The following NDRG2 variants were observed in gnomAD, a reference collection of about 807,000 sequenced individuals.
NDRG2 encodes NDRG family member 2.
NDRG2 carries 34 observed loss-of-function variants against 58.2 expected under a neutral mutation model. The ratio of observed to expected loss-of-function variants is 0.58; its 90% CI spans 0.44 to 0.78. The LOEUF is 0.78. Among genes scored for constraint, NDRG2 ranks in the 30% least tolerant of loss-of-function variants. The probability of loss-of-function intolerance (pLI) is 0.00; values close to 1 mark genes in which losing one functional copy is unlikely to be tolerated. For synonymous variants in NDRG2, 187 were observed against 175.9 expected (o/e 1.06, Z -0.50); for missense variants, 434 against 471.2 (o/e 0.92, Z 0.73).
rs2138796833 is a variant in NDRG2, at chr14:21,016,841, TAC to T, written c.*753_*754del. ...ACGGGAGGGCACCCTCCACACATACTACAGTGTGGTCAGAGCCCCAGGGTAGC... is the reference window on the plus strand; with the variant it reads ...ACGGGAGGGCACCCTCCACACATACTAGTGTGGTCAGAGCCCCAGGGTAGC... On this transcript the variant is annotated 3_prime_UTR_variant, in exon 16 of 16. Transcript: ENST00000556147. The T allele has an allele frequency of 2.2e-6, 1 of 456,400 alleles. No homozygotes were observed. The highest frequency in any genetic ancestry group is 4.4e-6 in the Non-Finnish European group (1 of 226,754). 28.3% of individuals were successfully genotyped at this position (456,400 alleles called of 1,614,324 possible).
chr14:21,052,019 C>T (rs1251800381), intron 1 of NDRG2, among the ~76,000 whole-genome samples: 1 of 152,190 alleles, frequency 6.6e-6, no homozygotes, highest in Non-Finnish European at 1.5e-5. Context: ...TTAGGCCTCT[C>T]CTTCATACTA....
chr14:21,046,883 T>C (rs61484774), intron 1 of NDRG2: 2 of 152,198 alleles, frequency 1.3e-5, no homozygotes, highest in African/African-American at 4.8e-5. Context: ...TTAGTGGAAG[T>C]GGCTCATCAT....
chr14:21,024,703 G>A lies in NDRG2; in HGVS notation c.-680C>T, dbSNP rs536152512. 8.1e-6 allele frequency: 8 copies of A among 985,468 alleles called. No homozygotes were observed. Among genetic ancestry groups the A allele is most frequent in the African/African-American group, 1.7e-5 (1 of 57,350 alleles). The allele number at this position is 985,468 out of a possible 1,614,324, so 61.0% of individuals were successfully genotyped here. On this transcript the variant is annotated 5_prime_UTR_variant, in exon 1 of 16. Coordinates refer to ENST00000556147, the MANE Select transcript of NDRG2 (RefSeq NM_001320329.2). ...CGCGAAGGCAAGCGCCATCGGGAAGGGATGGGTAGGACAGAGGAGACCGGC... is the reference window on the plus strand; with the variant it reads ...CGCGAAGGCAAGCGCCATCGGGAAGAGATGGGTAGGACAGAGGAGACCGGC...
rs1884224042 is a variant in NDRG2, at chr14:21,031,994, G to T, written c.25-8673C>A. 3.7e-6 allele frequency: 6 copies of T among 1,614,076 alleles called. No homozygotes were observed. The African/African-American group carries it at 8.0e-5, about 22-fold the overall frequency. On this transcript the variant is annotated intron_variant, in intron 1 of 14. Transcript: ENST00000403829. ...TGAGAGTGGCAAGGGCAAGGGCATT[G>T]CGGGACGGGAAGAGATGACTGACAA...
intron 1 of NDRG2, among the ~76,000 whole-genome samples, chr14:21,056,081 T>C (rs1885662580): frequency 6.6e-6 from 1 of 152,174 alleles, no homozygotes; most frequent in South Asian, 2.1e-4. Context: ...AATTTTTACA[T>C]TCAGAAATGC....
chr14:21,045,460 AT>A (rs1885101543), intron 1 of NDRG2, among the ~76,000 whole-genome samples: 1 of 152,172 alleles, frequency 6.6e-6, no homozygotes, highest in African/African-American at 2.4e-5. Context: ...CAAAATCTGA[AT>A]TTGTTTTGAA....
Position 21,070,099 on chromosome 14 carries a change from C to T in NDRG2, c.24+729G>A, listed in dbSNP as rs2139185072. On this transcript the variant is annotated intron_variant, in intron 1 of 14. Transcript: ENST00000403829. This position sits in a 1 kb window ranked among gnomAD's most constrained non-coding sequence, Gnocchi z 4.7. ...GAAAGAAGGTTGCCGGTGAACGGGA[C>T]GGATAGGCTGGGGACGCCCGGGGAA... is the stretch of plus-strand genomic sequence containing the variant. Among the ~76,000 whole-genome samples, 1 of 151,720 alleles carries T rather than the reference C, an allele frequency of 6.6e-6. No homozygotes were observed. Among genetic ancestry groups the T allele is most frequent in the Middle Eastern group, 3.4e-3 (1 of 292 alleles).
intron 1 of NDRG2, chr14:21,033,772 G>A (rs1459362624): frequency 1.6e-6 from 2 of 1,230,080 alleles, no homozygotes; most frequent in Admixed American, 3.4e-5. Flanking sequence ...GTTGGAAATG[G>A]AGACAGCTGG....
At chr14:21,063,901 A>C (rs959579442) in intron 1 of NDRG2, among the ~76,000 whole-genome samples, 2 of 152,212 alleles carry the variant, frequency 1.3e-5, no homozygotes, top group South Asian at 2.1e-4. Context: ...TCCCATTTTC[A>C]GGCAACTCTA....
intron 1 of NDRG2, among the ~76,000 whole-genome samples, chr14:21,040,904 G>A (rs570872667): frequency 3.9e-5 from 6 of 152,054 alleles, no homozygotes; most frequent in Admixed American, 2.6e-4. Flanking sequence ...CAAAGTATAC[G>A]TATTTTTTTT....
At position 21,039,034 on chromosome 14, in the gene NDRG2, T is replaced by A. The variant is rs554291562; in HGVS notation, c.25-15713A>T. ...CAAAATTAGGATAACAGAACTTGGA[T>A]CTGCTTTTGCTTGGAAGGGAACTCT... On this transcript the variant is annotated intron_variant, in intron 1 of 14. Transcript: ENST00000403829. Among the ~76,000 whole-genome samples the A allele has an allele frequency of 1.2e-4, 18 of 152,354 alleles. No individual in the cohort carries two copies. In the South Asian group the frequency reaches 3.7e-3, roughly 32 times the overall value.
intron 1 of NDRG2, chr14:21,032,263 C>T (rs2139082742): frequency 2.9e-6 from 2 of 695,008 alleles, no homozygotes; most frequent in East Asian, 2.8e-5. Flanking sequence ...ACCACACACC[C>T]TTCGCTCTGC....
At position 21,070,731 on chromosome 14, in the gene NDRG2, C is replaced by A. The variant is rs185060561; in HGVS notation, c.24+97G>T. On this transcript the variant is annotated intron_variant, in intron 1 of 14. Coordinates refer to the NDRG2 transcript ENST00000403829. This position sits in a 1 kb window ranked among gnomAD's most constrained non-coding sequence, Gnocchi z 4.7. Reference sequence around the variant, plus strand: ...CTTCCTTTCCTGGAGCTTCCCTCCCCCTCCTGGTCCGAGCTCCTTACCCGC... The same window carrying A: ...CTTCCTTTCCTGGAGCTTCCCTCCCACTCCTGGTCCGAGCTCCTTACCCGC... 20 of 1,352,836 alleles carry A rather than the reference C, an allele frequency of 1.5e-5. No homozygotes were observed. The highest frequency in any genetic ancestry group is 1.9e-5 in the Non-Finnish European group (19 of 986,160). The allele number at this position is 1,352,836 out of a possible 1,614,324, so 83.8% of individuals were successfully genotyped here.
At chr14:21,047,032 T>G (rs759763633) in intron 1 of NDRG2, 1 of 152,160 alleles carries the variant, frequency 6.6e-6, no homozygotes, top group African/African-American at 2.4e-5. Context: ...TTCAAATCAT[T>G]GTTGATCAAG....
At chr14:21,031,860 G>T (rs1477056255) in intron 1 of NDRG2, 2 of 1,605,058 alleles carry the variant, frequency 1.2e-6, no homozygotes, top group Admixed American at 1.7e-5. Context: ...GTAAGGAAAG[G>T]AAGAGAGCTC....
intron 1 of NDRG2, among the ~76,000 whole-genome samples, chr14:21,051,684 G>GA (rs1444655088): frequency 6.6e-6 from 1 of 152,206 alleles, no homozygotes; most frequent in Non-Finnish European, 1.5e-5. Context: ...ACTGGAAACA[G>GA]AGGAGGGCTT....
chr14:21,019,832 A>G (rs1353714429), intron 9 of NDRG2, 88 bp downstream of exon 9: 10 of 1,538,158 alleles, frequency 6.5e-6, no homozygotes, highest in Non-Finnish European at 8.1e-6. Context: ...TCCTTCCCCA[A>G]ATCCTGTCCC....
intron 1 of NDRG2, chr14:21,032,646 G>A: frequency 5.8e-6 from 2 of 342,912 alleles, no homozygotes; most frequent in Non-Finnish European, 1.1e-5. Context: ...ACCCAGCCCA[G>A]AACTAAGTTT....
intron 1 of NDRG2, among the ~76,000 whole-genome samples, chr14:21,037,916 GC>G (rs1299335551): frequency 5.2e-4 from 79 of 152,194 alleles, no homozygotes; most frequent in African/African-American, 1.9e-3. Flanking sequence ...AGAACAACTG[GC>G]TAGGGTGGCA....
Sources: gnomAD v4.1 joint callset for allele counts (sites outside exome capture counted in the v4.1 genomes callset) on GRCh38, gnomAD v4.1.1 for gene constraint, Gnocchi (gnomAD v3.1) non-coding constraint, MANE v1.5 for transcripts, NCBI Gene and HGNC (gene_info 2026-07-23, HGNC 2026-07-21) for gene names.